Variants in NCAM1 observed in about 807,000 individuals in gnomAD.
NCAM1 encodes the protein antigen recognized by monoclonal antibody 5.1H11.
A neutral mutation model predicts 109.8 loss-of-function variants in NCAM1; 14 were observed. The observed-to-expected ratio is 0.13, with a 90% CI of 0.08 to 0.20. The LOEUF (loss-of-function observed/expected upper bound fraction) is 0.20, where lower values mean the gene tolerates loss of function less well. Ranked by LOEUF, NCAM1 falls within the 10% of genes least tolerant of loss-of-function variation. The probability of loss-of-function intolerance (pLI) is 1.00; values close to 1 mark genes in which losing one functional copy is unlikely to be tolerated. For synonymous variants in NCAM1, 418 were observed against 442.9 expected, an observed-to-expected ratio of 0.94 and a Z score of 0.70; for missense variants, 774 against 1,109.9, an observed-to-expected ratio of 0.70 and a Z score of 4.30.
chr11:113,121,289 C>T (rs914457307), intron 1 of NCAM1, among the ~76,000 whole-genome samples: 7 of 140,206 alleles, frequency 5.0e-5, no homozygotes, highest in African/African-American at 1.6e-4. Flanking sequence ...GATATGAGCT[C>T]GGCTTACTGC....
At chr11:113,224,332 T>C (rs1207410484) in intron 9 of NCAM1, among the ~76,000 whole-genome samples, 2 of 152,200 alleles carry the variant, frequency 1.3e-5, no homozygotes, top group African/African-American at 4.8e-5. Context: ...GCCTCGCTCA[T>C]TGCTAGCACA....
intron 1 of NCAM1, among the ~76,000 whole-genome samples, chr11:112,969,263 A>T (rs1457014528): frequency 6.6e-6 from 1 of 152,154 alleles, no homozygotes; most frequent in Non-Finnish European, 1.5e-5. Context: ...GGAGAAAAAA[A>T]AATTCTGCAA....
rs114009875 is a variant in NCAM1, at chr11:113,057,397, C to T, written c.52+95733C>T. On this transcript the variant is annotated intron_variant, in intron 1 of 19. Coordinates refer to ENST00000316851, the MANE Select transcript of NCAM1 (RefSeq NM_181351.5). The stretch of plus-strand genomic sequence containing the variant: ...GTGAGATAATGAAGGATCTAGTATA[C>T]ACTGTTAAGGAACTTGGGCTTATCC... Among the ~76,000 whole-genome samples the T allele has an allele frequency of 4.3e-3, 652 of 151,930 alleles. 5 individuals are homozygous for T. The highest frequency in any genetic ancestry group is 0.015 in the African/African-American group (624 of 41,410).
Position 113,231,215 on chromosome 11 carries a change from G to T in NCAM1, c.1090-430G>T, listed in dbSNP as rs143883407. On this transcript the variant is annotated intron_variant, in intron 9 of 19. Coordinates refer to ENST00000316851, the MANE Select transcript of NCAM1 (RefSeq NM_181351.5). ...CCACAGGTACATGCACCATGGAACT[G>T]GCAAGTGGGCAGACAGAAAGGACAG... 4.8e-5 allele frequency: 74 copies of T among 1,536,156 alleles called. No homozygotes were observed. In the Middle Eastern group the frequency reaches 5.0e-4, roughly 10 times the overall value.
intron 1 of NCAM1, among the ~76,000 whole-genome samples, chr11:112,967,087 C>A (rs1438779231): frequency 6.6e-6 from 1 of 152,140 alleles, no homozygotes; most frequent in African/African-American, 2.4e-5. Context: ...TCTATGTAAC[C>A]TATATTCCAC....
chr11:112,989,890 C>CTT (rs1951411402), intron 1 of NCAM1, among the ~76,000 whole-genome samples: 2 of 152,214 alleles, frequency 1.3e-5, no homozygotes, highest in Non-Finnish European at 2.9e-5. Context: ...AAGATGCAGT[C>CTT]AAGATTTATC....
At position 113,093,892 on chromosome 11, in the gene NCAM1, G is replaced by A. The variant is rs113530630; in HGVS notation, c.53-108487G>A. The stretch of plus-strand genomic sequence containing the variant: ...TACATTCTCCTGATGTTCTGCCTTC[G>A]CTCTGTGGTCTTCCAGACCAGTTGG... On this transcript the variant is annotated intron_variant, in intron 1 of 19. Coordinates refer to ENST00000316851, the MANE Select transcript of NCAM1 (RefSeq NM_181351.5). 3.1e-3 allele frequency among the ~76,000 whole-genome samples: 469 copies of A among 152,248 alleles called. 1 individual carries two copies. Among genetic ancestry groups the A allele is most frequent in the Non-Finnish European group, 5.5e-3 (373 of 68,024 alleles).
At chr11:113,230,854 C>T (rs1365988050) in intron 9 of NCAM1, among the ~76,000 whole-genome samples, 1 of 152,226 alleles carries the variant, frequency 6.6e-6, no homozygotes, top group Non-Finnish European at 1.5e-5. Context: ...CTTGGAAATA[C>T]TCCAGTACCC....
At chr11:113,016,858 T>C (rs1952219545) in intron 1 of NCAM1, among the ~76,000 whole-genome samples, 1 of 152,182 alleles carries the variant, frequency 6.6e-6, no homozygotes, top group Admixed American at 6.5e-5. Flanking sequence ...CAGTCATGTC[T>C]AAAGTAGAAA....
chr11:113,181,409 T>A (rs1413770157), intron 1 of NCAM1, among the ~76,000 whole-genome samples: 1 of 152,148 alleles, frequency 6.6e-6, no homozygotes, highest in Admixed American at 6.5e-5. Flanking sequence ...CAGACTTTTC[T>A]TAAGAAAGGG....
At chr11:113,050,350 G>A (rs942390248) in intron 1 of NCAM1, among the ~76,000 whole-genome samples, 25 of 152,230 alleles carry the variant, frequency 1.6e-4, no homozygotes, top group African/African-American at 6.0e-4. Context: ...TGGCTCAGGC[G>A]CTGACTCAAA....
intron 17 of NCAM1, chr11:113,263,366 T>C: frequency 1.0e-6 from 1 of 992,694 alleles, no homozygotes; most frequent in Non-Finnish European, 1.2e-6. Context: ...TCTGTGCTCC[T>C]TGTCCTCCCT....
chr11:112,985,551 T>C (rs535353988), intron 1 of NCAM1, among the ~76,000 whole-genome samples: 1 of 152,096 alleles, frequency 6.6e-6, no homozygotes, highest in African/African-American at 2.4e-5. Flanking sequence ...ACATGGGACA[T>C]CTTTCCATTT....
intron 17 of NCAM1, chr11:113,263,255 G>T: frequency 9.6e-7 from 1 of 1,042,512 alleles, no homozygotes; most frequent in Non-Finnish European, 1.2e-6. Flanking sequence ...GTTGCATTTT[G>T]GGTTCAAACC....
chr11:113,137,598 T>G (rs1261878), intron 1 of NCAM1, among the ~76,000 whole-genome samples: 126,694 of 152,258 alleles, frequency 0.83, 53,183 homozygotes, highest in African/African-American at 0.94. Flanking sequence ...AAGACTGATT[T>G]TGGCAAAACT....
chr11:112,995,009 T>A lies in NCAM1; in HGVS notation c.52+33345T>A, dbSNP rs77895553. 2.3e-3 allele frequency among the ~76,000 whole-genome samples: 351 copies of A among 152,312 alleles called. 4 individuals carry two copies. The highest frequency in any genetic ancestry group is 8.2e-3 in the African/African-American group (342 of 41,572). On this transcript the variant is annotated intron_variant, in intron 1 of 19. Coordinates refer to ENST00000316851, the MANE Select transcript of NCAM1 (RefSeq NM_181351.5). ...CAGTTGATCACAAGCTCAATAGGGC[T>A]GTCCTATAGCCTTGTCTCAGTAACT...
chr11:113,182,382 C>T (rs1431242725), intron 1 of NCAM1, among the ~76,000 whole-genome samples: 1 of 152,162 alleles, frequency 6.6e-6, no homozygotes, highest in Non-Finnish European at 1.5e-5. Flanking sequence ...CTTCACTGTC[C>T]TCTGTCATCC....
intron 1 of NCAM1, among the ~76,000 whole-genome samples, chr11:113,052,038 T>C (rs1407890798): frequency 3.3e-5 from 5 of 152,184 alleles, no homozygotes; most frequent in Non-Finnish European, 5.9e-5. Context: ...AGCATCCAGG[T>C]GCAACTTTAG....
At chr11:113,170,471 T>C (rs1942955409) in intron 1 of NCAM1, among the ~76,000 whole-genome samples, 1 of 152,140 alleles carries the variant, frequency 6.6e-6, no homozygotes, top group African/African-American at 2.4e-5. Context: ...AAAATAGAAA[T>C]GCACTGGCTA....
Sources: gnomAD v4.1 joint callset for allele counts (sites outside exome capture counted in the v4.1 genomes callset) on GRCh38, gnomAD v4.1.1 for gene constraint, MANE v1.5 for transcripts, NCBI Gene and HGNC (gene_info 2026-07-23, HGNC 2026-07-21) for gene names.